PPP1R12A: variants seen among roughly 807,000 people sequenced by gnomAD.
The protein encoded by PPP1R12A is protein phosphatase 1 regulatory subunit 12A, also known as myosin binding subunit.
A neutral mutation model predicts 139.6 loss-of-function variants in PPP1R12A; 19 were observed. The observed-to-expected ratio is 0.14, with a 90% CI of 0.09 to 0.20. The LOEUF (loss-of-function observed/expected upper bound fraction) is 0.20. Among genes scored for constraint, PPP1R12A ranks in the 10% least tolerant of loss-of-function variants. PPP1R12A has a pLI of 1.00. For synonymous variants in PPP1R12A, 427 were observed against 420.6 expected (o/e 1.02, Z -0.19); for missense variants, 925 against 1,211.5 (o/e 0.76, Z 3.51).
chr12:79,833,471 A>C (rs1301688237), intron 3 of PPP1R12A, among the ~76,000 whole-genome samples: 1 of 152,086 alleles, frequency 6.6e-6, no homozygotes, highest in East Asian at 1.9e-4. Context: ...TTACTCCACA[A>C]GTCTATAGGC....
chr12:79,808,959 T>C (rs979628433), intron 10 of PPP1R12A, among the ~76,000 whole-genome samples: 46 of 152,148 alleles, frequency 3.0e-4, no homozygotes, highest in Non-Finnish European at 7.4e-5. Context: ...TTATATTATA[T>C]AAGCTATTTA....
chr12:79,877,930 A>T (rs1378319521), intron 1 of PPP1R12A, among the ~76,000 whole-genome samples: 1 of 152,180 alleles, frequency 6.6e-6, no homozygotes, highest in Non-Finnish European at 1.5e-5. Context: ...CCTACTTGAT[A>T]ATTATATGTA....
intron 13 of PPP1R12A, 103 bp from the exon 14 acceptor site, chr12:79,805,871 T>C: frequency 7.9e-7 from 1 of 1,258,102 alleles, no homozygotes; most frequent in Non-Finnish European, 1.1e-6. Flanking sequence ...GGGATGGATT[T>C]TTTTAAAACG....
At chr12:79,842,235 G>A (rs913493984) in intron 3 of PPP1R12A, among the ~76,000 whole-genome samples, 5 of 152,072 alleles carry the variant, frequency 3.3e-5, no homozygotes, top group Admixed American at 6.6e-5. Flanking sequence ...TGGGAGGATC[G>A]CTAGGGTCTG....
At chr12:79,905,715 A>C (rs1053736603) in intron 1 of PPP1R12A, among the ~76,000 whole-genome samples, 10 of 152,162 alleles carry the variant, frequency 6.6e-5, no homozygotes, top group Non-Finnish European at 1.5e-5. Flanking sequence ...TGTATTTTTA[A>C]TTATGATTTT....
At chr12:79,934,666 C>G in intron 1 of PPP1R12A, 29 bp downstream of exon 1, 2 of 1,498,374 alleles carry the variant, frequency 1.3e-6, no homozygotes, top group Non-Finnish European at 1.8e-6. Context: ...CCCTCACGGT[C>G]AGGAGAGCCG....
chr12:79,820,643 T>C (rs1875988065), intron 8 of PPP1R12A, 131 bp downstream of exon 8: 4 of 849,032 alleles, frequency 4.7e-6, no homozygotes, highest in Non-Finnish European at 5.5e-6. Context: ...CACTGAAAGA[T>C]AATTTAGTAG....
intron 1 of PPP1R12A, among the ~76,000 whole-genome samples, chr12:79,918,045 A>T (rs941974510): frequency 2.0e-5 from 3 of 152,104 alleles, no homozygotes; most frequent in African/African-American, 7.2e-5. Flanking sequence ...CACATACATA[A>T]TATCATAAAA....
rs560701832 is a variant in PPP1R12A, at chr12:79,931,768, T to G, written c.237+2927A>C. On this transcript the variant is annotated intron_variant, in intron 1 of 24. Transcript: ENST00000450142. ...TATCTATGGTTAACTTTGTGCTGTTTTGTAGCTTTGGGGGTCAGGTCCTGG... is the reference window on the plus strand; with the variant it reads ...TATCTATGGTTAACTTTGTGCTGTTGTGTAGCTTTGGGGGTCAGGTCCTGG... Among the ~76,000 whole-genome samples, 2 of 152,230 alleles carry G rather than the reference T, an allele frequency of 1.3e-5. 1 individual carries two copies. The highest frequency in any genetic ancestry group is 4.8e-5 in the African/African-American group (2 of 41,538).
At chr12:79,812,426 TTCC>T (rs998977826) in intron 9 of PPP1R12A, among the ~76,000 whole-genome samples, 1 of 47,920 alleles carries the variant, frequency 2.1e-5, no homozygotes, top group African/African-American at 8.3e-5. Flanking sequence ...GTGTGTAACG[TTCC>T]TTATACAGGC....
At chr12:79,920,346 C>A (rs947242640) in intron 1 of PPP1R12A, among the ~76,000 whole-genome samples, 1 of 152,200 alleles carries the variant, frequency 6.6e-6, no homozygotes, top group Non-Finnish European at 1.5e-5. Flanking sequence ...TCTGTGTGGA[C>A]ACATGTTCAA....
intron 14 of PPP1R12A, among the ~76,000 whole-genome samples, chr12:79,802,533 A>T (rs1361651925): frequency 2.0e-5 from 3 of 152,218 alleles, no homozygotes; most frequent in Non-Finnish European, 4.4e-5. Flanking sequence ...CCTGTATTCC[A>T]GCACGCTGGG....
chr12:79,861,074 C>T (rs1403892069), intron 2 of PPP1R12A, among the ~76,000 whole-genome samples: 37 of 152,168 alleles, frequency 2.4e-4, no homozygotes, highest in Admixed American at 2.4e-3. Context: ...GTAATGAGCA[C>T]TCTCAGTAGC....
chr12:79,909,610 C>T (rs1886397021), intron 1 of PPP1R12A, among the ~76,000 whole-genome samples: 1 of 151,796 alleles, frequency 6.6e-6, no homozygotes, highest in South Asian at 2.1e-4. Context: ...TGGTGGGTGC[C>T]TGTAGTCCCA....
intron 2 of PPP1R12A, among the ~76,000 whole-genome samples, chr12:79,850,034 C>T (rs1237249937): frequency 6.6e-6 from 1 of 152,078 alleles, no homozygotes; most frequent in Non-Finnish European, 1.5e-5. Context: ...CCCTTTGTGG[C>T]CCAGGCTGGT....
intron 1 of PPP1R12A, among the ~76,000 whole-genome samples, chr12:79,874,455 C>T (rs1882904970): frequency 6.6e-6 from 1 of 151,672 alleles, no homozygotes; most frequent in Non-Finnish European, 1.5e-5. Context: ...AATATTAATA[C>T]ATACAACCAA....
intron 22 of PPP1R12A, 36 bp from the exon 23 acceptor site, chr12:79,781,898 G>A: frequency 1.5e-6 from 2 of 1,377,298 alleles, no homozygotes; most frequent in South Asian, 1.3e-5. Context: ...AGAGATAAGT[G>A]CAAAAAAGTT....
chr12:79,806,209 T>C lies in PPP1R12A; in HGVS notation c.1780A>G (p.Thr594Ala), dbSNP rs780419161. The change falls in exon 13 of 25, where the codon ACA (threonine) becomes GCA (alanine). Residue 594 changes from threonine (T) to alanine (A), a missense_variant. Coordinates refer to ENST00000450142, the MANE Select transcript of PPP1R12A (RefSeq NM_002480.3). ...KSLLSSTSTT[T>A]KITTGSSSAG... ...GAGGAAGAACCCGTTGTAATCTTTG[T>C]AGTAGTGCTTGTGCTGGAAAGCAGG... 5 of 1,613,994 alleles carry C rather than the reference T, an allele frequency of 3.1e-6. No homozygotes were observed. The South Asian group carries it at 5.5e-5, about 18-fold the overall frequency.
chr12:79,793,142 G>C (rs1872099322), intron 19 of PPP1R12A, among the ~76,000 whole-genome samples: 1 of 152,146 alleles, frequency 6.6e-6, no homozygotes, highest in African/African-American at 2.4e-5. Flanking sequence ...GCCAGGTTTA[G>C]ACTCGTGTTG....
Sources: allele counts gnomAD v4.1 joint callset (sites outside exome capture counted in the v4.1 genomes callset), GRCh38; gene constraint gnomAD v4.1.1; transcripts MANE v1.5; gene names NCBI Gene and HGNC (gene_info 2026-07-23, HGNC 2026-07-21).